ASMTL: variants seen among roughly 807,000 people sequenced by gnomAD.
ASMTL encodes the protein probable bifunctional dTTP/UTP pyrophosphatase/methyltransferase protein.
ASMTL carries 57 observed loss-of-function variants against 60.3 expected under a neutral mutation model. The ratio of observed to expected loss-of-function variants is 0.95; its 90% confidence interval spans 0.76 to 1.18. The LOEUF (loss-of-function observed/expected upper bound fraction) is 1.18, where lower values mean the gene tolerates loss of function less well. ASMTL is among the 50% of genes most tolerant of loss of function. The pLI is 0.00. For missense variants in ASMTL, 981 were observed against 852.6 expected (o/e 1.15, Z -1.88); for synonymous variants, 419 against 373.0 (o/e 1.12, Z -1.42).
intron 1 of ASMTL, among the ~76,000 whole-genome samples, chrX:1,443,277 GCCATCATGGACACACA>G (rs2091152464): frequency 2.7e-4 from 4 of 14,798 alleles, no homozygotes; most frequent in African/African-American, 3.8e-4. Context: ...GACACACACC[GCCATCATGGACACACA>G]CCGCCATCTT....
chrX:1,405,606 A>ATGGG (rs2089794238), intron 12 of ASMTL, among the ~76,000 whole-genome samples: 1 of 150,526 alleles, frequency 6.6e-6, no homozygotes, highest in Non-Finnish European at 1.5e-5. Flanking sequence ...ATGGTAGATG[A>ATGGG]TGGGTAGGTA....
At chrX:1,422,490 C>T (rs1248266653) in intron 8 of ASMTL, among the ~76,000 whole-genome samples, 2 of 152,136 alleles carry the variant, frequency 1.3e-5, no homozygotes, top group Non-Finnish European at 2.9e-5. Context: ...TGGAGAGCCC[C>T]AAATGATACA....
At chrX:1,434,201 A>T (rs1467155736) in intron 5 of ASMTL, among the ~76,000 whole-genome samples, 2 of 152,128 alleles carry the variant, frequency 1.3e-5, no homozygotes, top group Non-Finnish European at 2.9e-5. Flanking sequence ...CGTGGTGCAC[A>T]CCTGCAGTCC....
At chrX:1,423,998 CCAAT>C (rs2090543904) in intron 8 of ASMTL, among the ~76,000 whole-genome samples, 1 of 151,464 alleles carries the variant, frequency 6.6e-6, no homozygotes, top group Admixed American at 6.6e-5. Context: ...CCCCACCCAT[CCAAT>C]CACTCATCCA....
At chrX:1,433,156 G>C (rs1240709521) in intron 5 of ASMTL, among the ~76,000 whole-genome samples, 1 of 152,058 alleles carries the variant, frequency 6.6e-6, no homozygotes, top group African/African-American at 2.4e-5. Flanking sequence ...TCCGGACACA[G>C]AGCCCCTGAA....
At chrX:1,428,188 G>T in intron 6 of ASMTL, 67 bp from the exon 7 acceptor site, 2 of 1,528,056 alleles carry the variant, frequency 1.3e-6, no homozygotes, top group Non-Finnish European at 1.8e-6. Flanking sequence ...AACATTTCAC[G>T]GCTGGGAGGC....
chrX:1,433,239 G>A (rs1252352756), intron 5 of ASMTL, among the ~76,000 whole-genome samples: 2 of 152,098 alleles, frequency 1.3e-5, no homozygotes, highest in African/African-American at 2.4e-5. Context: ...CCTTTCATCC[G>A]CAGGGGACCT....
intron 3 of ASMTL, among the ~76,000 whole-genome samples, chrX:1,437,723 C>G (rs1174282601): frequency 1.3e-5 from 2 of 151,702 alleles, no homozygotes; most frequent in African/African-American, 4.8e-5. Context: ...TGGTGAAACC[C>G]CGTCTCTACT....
At chrX:1,450,539 C>T in intron 1 of ASMTL, among the ~76,000 whole-genome samples, 1 of 145,190 alleles carries the variant, frequency 6.9e-6, no homozygotes, top group East Asian at 2.1e-4. Flanking sequence ...CCTCCCCCAT[C>T]ACTAGGGCAT....
At chrX:1,439,280 T>C in intron 2 of ASMTL, 136 bp from the exon 3 acceptor site, 2 of 818,700 alleles carry the variant, frequency 2.4e-6, no homozygotes, top group Non-Finnish European at 4.0e-6. Context: ...CTGGGGGTGC[T>C]CAAGGTCACG....
At chrX:1,423,360 C>A (rs1457909426) in intron 8 of ASMTL, among the ~76,000 whole-genome samples, 2 of 152,062 alleles carry the variant, frequency 1.3e-5, no homozygotes, top group African/African-American at 4.8e-5. Context: ...AAGGGCACAG[C>A]CTTTGGAGCC....
chrX:1,432,823 CG>C (rs1368670186), intron 5 of ASMTL, among the ~76,000 whole-genome samples: 1 of 152,248 alleles, frequency 6.6e-6, no homozygotes, highest in Non-Finnish European at 1.5e-5. Flanking sequence ...AGCGAGACTC[CG>C]TCTCTAAAAA....
At chrX:1,411,643 C>T (rs758393166) in intron 12 of ASMTL, among the ~76,000 whole-genome samples, 5 of 39,216 alleles carry the variant, frequency 1.3e-4, no homozygotes, top group East Asian at 4.3e-4. Flanking sequence ...TCCACTCATG[C>T]GTGGATTTCC....
At chrX:1,440,542 T>C (rs2091084637) in intron 2 of ASMTL, among the ~76,000 whole-genome samples, 1 of 152,274 alleles carries the variant, frequency 6.6e-6, no homozygotes, top group African/African-American at 2.4e-5. Context: ...TAATTTTATA[T>C]ACTGTGACTG....
intron 1 of ASMTL, among the ~76,000 whole-genome samples, chrX:1,448,140 C>T (rs1171854956): frequency 1.3e-5 from 2 of 150,062 alleles, no homozygotes; most frequent in Non-Finnish European, 3.0e-5. Context: ...CTTGGACACA[C>T]ACCGCCATCT....
intron 11 of ASMTL, among the ~76,000 whole-genome samples, chrX:1,417,763 ATGT>A (rs375809186): frequency 1.7e-3 from 2 of 1,162 alleles, no homozygotes; most frequent in Non-Finnish European, 4.0e-3. Context: ...GACATGCTCC[ATGT>A]CACAGGTATG....
chrX:1,423,494 C>T (rs2090530893), intron 8 of ASMTL, among the ~76,000 whole-genome samples: 1 of 152,074 alleles, frequency 6.6e-6, no homozygotes, highest in African/African-American at 2.4e-5. Context: ...ATTCTAGCAC[C>T]ATGCTGAAGA....
chrX:1,420,434 C>T lies in ASMTL; in HGVS notation c.1245+1224G>A, dbSNP rs1367616305. ...CTCCCCAACATCTGCAGGAAGCCCCCGGCTCCCTGGGGCTCATCTCTGCAT... is the reference window on the plus strand; with the variant it reads ...CTCCCCAACATCTGCAGGAAGCCCCTGGCTCCCTGGGGCTCATCTCTGCAT... On this transcript the variant is annotated intron_variant, in intron 9 of 12. Coordinates refer to ENST00000381317, the MANE Select transcript of ASMTL (RefSeq NM_004192.4). Among the ~76,000 whole-genome samples, 74 of 152,282 alleles carry T rather than the reference C, an allele frequency of 4.9e-4. 2 individuals are homozygous for T. The highest frequency in any genetic ancestry group is 7.9e-4 in the Non-Finnish European group (54 of 68,012).
intron 6 of ASMTL, among the ~76,000 whole-genome samples, chrX:1,431,414 G>T (rs2090783689): frequency 7.5e-6 from 1 of 134,102 alleles, no homozygotes; most frequent in African/African-American, 2.7e-5. Context: ...TATTTTAACA[G>T]TTATATAACC....
Sources: gnomAD v4.1 joint callset for allele counts (sites outside exome capture counted in the v4.1 genomes callset) on GRCh38, gnomAD v4.1.1 for gene constraint, MANE v1.5 for transcripts, NCBI Gene and HGNC (gene_info 2026-07-23, HGNC 2026-07-21) for gene names.